Variants in SEMA4D observed in about 807,000 individuals in gnomAD.
The protein encoded by SEMA4D is semaphorin-4D.
A neutral mutation model predicts 74.8 loss-of-function variants in SEMA4D; 22 were observed. The observed-to-expected ratio is 0.29, with a 90% CI of 0.21 to 0.42. The LOEUF (loss-of-function observed/expected upper bound fraction) is 0.42. Among genes scored for constraint, SEMA4D ranks in the 10% least tolerant of loss-of-function variants. The pLI is 1.00. For synonymous variants in SEMA4D, 445 were observed against 463.7 expected, an observed-to-expected ratio of 0.96 and a Z score of 0.52; for missense variants, 937 against 1,118.4, an observed-to-expected ratio of 0.84 and a Z score of 2.31.
intron 2 of SEMA4D, among the ~76,000 whole-genome samples, chr9:89,423,508 G>T (rs1036133299): frequency 4.6e-5 from 7 of 152,110 alleles, no homozygotes; most frequent in Non-Finnish European, 1.0e-4. Context: ...CATTTTTTAT[G>T]CTTCTTTCAA....
chr9:89,492,684 C>T lies in SEMA4D; in HGVS notation c.-310+5235G>A, dbSNP rs1825723194. 6.6e-6 allele frequency among the ~76,000 whole-genome samples: 1 copy of T among 152,208 alleles called. No homozygotes were observed. Among genetic ancestry groups the T allele is most frequent in the Admixed American group, 6.5e-5 (1 of 15,286 alleles). On this transcript the variant is annotated intron_variant, in intron 1 of 15. Transcript: ENST00000422704. The surrounding 1 kb of genome is among the most constrained non-coding windows in gnomAD (Gnocchi z 4.3). Reference sequence around the variant, plus strand: ...CCAAGACTCTTGGGTCATCCTGGACCCCTTGCTTGCTGCAACAGCCCTCAT... The same window carrying T: ...CCAAGACTCTTGGGTCATCCTGGACTCCTTGCTTGCTGCAACAGCCCTCAT...
intron 2 of SEMA4D, among the ~76,000 whole-genome samples, chr9:89,411,670 C>T (rs1844553975): frequency 6.6e-6 from 1 of 152,184 alleles, no homozygotes; most frequent in Admixed American, 6.5e-5. Context: ...AAAAGACATC[C>T]ATGTTCTGGT....
intron 6 of SEMA4D, 54 bp downstream of exon 6, chr9:89,396,683 C>T (rs1313213641): frequency 1.5e-5 from 22 of 1,472,946 alleles, no homozygotes; most frequent in Non-Finnish European, 2.1e-5. Flanking sequence ...CCCCCTTCTA[C>T]TTTAACTGCT....
intron 1 of SEMA4D, among the ~76,000 whole-genome samples, chr9:89,482,058 C>A (rs183748236): frequency 6.6e-6 from 1 of 152,172 alleles, no homozygotes; most frequent in East Asian, 1.9e-4. Context: ...ACCGCCCAGA[C>A]GGGTGAGGGG....
At chr9:89,399,100 T>C (rs1841638061) in intron 5 of SEMA4D, among the ~76,000 whole-genome samples, 176 bp downstream of exon 5, 1 of 152,186 alleles carries the variant, frequency 6.6e-6, no homozygotes, top group Admixed American at 6.5e-5. Flanking sequence ...CCAATCCTGA[T>C]ACTCAGGAAT....
chr9:89,393,734 T>G (rs1437681616), intron 6 of SEMA4D, 79 bp from the exon 7 acceptor site: 1 of 1,174,520 alleles, frequency 8.5e-7, no homozygotes, highest in Admixed American at 1.7e-5. Context: ...ACCACTTCAT[T>G]TTACAAATTT....
chr9:89,464,773 CAGGGG>C (rs1223063789), intron 1 of SEMA4D, among the ~76,000 whole-genome samples: 1 of 151,982 alleles, frequency 6.6e-6, no homozygotes. Context: ...GGCAGGGTTG[CAGGGG>C]TCCCCCGCCT....
intron 1 of SEMA4D, among the ~76,000 whole-genome samples, chr9:89,465,217 CCTTAGT>C (rs1327782242): frequency 6.6e-6 from 1 of 152,086 alleles, no homozygotes; most frequent in Non-Finnish European, 1.5e-5. Flanking sequence ...TAAAAAGAGC[CCTTAGT>C]CCGGTGCATC....
At chr9:89,436,733 A>G (rs1850500511) in intron 2 of SEMA4D, among the ~76,000 whole-genome samples, 1 of 152,194 alleles carries the variant, frequency 6.6e-6, no homozygotes, top group Admixed American at 6.5e-5. Context: ...GCCTTAGAGG[A>G]GGGTGTGGGG....
intron 1 of SEMA4D, among the ~76,000 whole-genome samples, chr9:89,457,546 G>A (rs1856238137): frequency 6.6e-6 from 1 of 151,566 alleles, no homozygotes; most frequent in Non-Finnish European, 1.5e-5. Context: ...AGACCAGCCT[G>A]GACAACACAG....
intron 2 of SEMA4D, among the ~76,000 whole-genome samples, chr9:89,433,025 A>G (rs1045495194): frequency 6.6e-6 from 1 of 152,254 alleles, no homozygotes; most frequent in African/African-American, 2.4e-5. Context: ...TACCATAGTG[A>G]GAACACAAGA....
chr9:89,480,793 G>GCA (rs1824574853), intron 1 of SEMA4D, among the ~76,000 whole-genome samples: 1 of 152,212 alleles, frequency 6.6e-6, no homozygotes, highest in Non-Finnish European at 1.5e-5. Flanking sequence ...TCCCGCTCCT[G>GCA]CCTCTCCCTC....
chr9:89,489,041 G>A (rs1054143708), intron 1 of SEMA4D, among the ~76,000 whole-genome samples: 7 of 152,156 alleles, frequency 4.6e-5, no homozygotes, highest in South Asian at 2.1e-4. Flanking sequence ...ATGAAAAGAC[G>A]CTCAACTAAA....
intron 5 of SEMA4D, among the ~76,000 whole-genome samples, chr9:89,397,251 G>A (rs1283536131): frequency 6.6e-6 from 1 of 152,150 alleles, no homozygotes; most frequent in African/African-American, 2.4e-5. Flanking sequence ...ATCTTACTGG[G>A]ACACCCACTG....
Position 89,378,913 on chromosome 9 carries a change from C to G in SEMA4D, c.2380G>C (p.Val794Leu). 6.2e-7 allele frequency: 1 copy of G among 1,614,230 alleles called. No homozygotes were observed. Among genetic ancestry groups the G allele is most frequent in the Middle Eastern group, 1.6e-4 (1 of 6,062 alleles). The change falls in exon 16 of 16, where the codon GTA (valine) becomes CTA (leucine). Residue 794 changes from valine to leucine, a missense_variant. Physicochemically the swap from Val to Leu is conservative, Grantham distance 32. Transcript: ENST00000422704. ...DREQSLKETL[V>L]EPGSFSQQNG... The stretch of plus-strand genomic sequence containing the variant: ...TGCTGGGAGAAGCTCCCTGGCTCTA[C>G]TAACGTCTCCTTCAGGCTCTGCTCA...
intron 2 of SEMA4D, among the ~76,000 whole-genome samples, chr9:89,419,262 T>A (rs73486121): frequency 3.5e-4 from 53 of 152,330 alleles, no homozygotes; most frequent in African/African-American, 1.1e-3. Context: ...CAGCAGTGGA[T>A]GGCTCTTACG....
At chr9:89,366,534 A>AC (rs1833698468) in intron 16 of SEMA4D, among the ~76,000 whole-genome samples, 1 of 152,190 alleles carries the variant, frequency 6.6e-6, no homozygotes, top group Admixed American at 6.5e-5. Context: ...ACAAAACTTA[A>AC]CACTCTATAA....
At chr9:89,366,554 T>TC (rs1326864522) in intron 16 of SEMA4D, among the ~76,000 whole-genome samples, 1 of 152,212 alleles carries the variant, frequency 6.6e-6, no homozygotes, top group Non-Finnish European at 1.5e-5. Flanking sequence ...ATTTGTTTTT[T>TC]CCCACTCAAA....
chr9:89,451,399 A>C (rs1254691077), intron 2 of SEMA4D, among the ~76,000 whole-genome samples: 1 of 152,164 alleles, frequency 6.6e-6, no homozygotes, highest in East Asian at 1.9e-4. Flanking sequence ...CATTTTCACA[A>C]AGCTATAAAG....
Sources: allele counts gnomAD v4.1 joint callset (sites outside exome capture counted in the v4.1 genomes callset), GRCh38; gene constraint gnomAD v4.1.1; non-coding constraint Gnocchi (gnomAD v3.1); transcripts MANE v1.5; gene names NCBI Gene and HGNC (gene_info 2026-07-23, HGNC 2026-07-21).